Variants in ADAMTS13 observed in about 807,000 individuals in gnomAD.
The protein encoded by ADAMTS13 is ADAM metallopeptidase with thrombospondin type 1 motif 13.
ADAMTS13 carries 110 observed loss-of-function variants against 155.1 expected under a neutral mutation model. That is an observed-to-expected ratio of 0.71 (90% CI 0.61 to 0.83). The LOEUF (loss-of-function observed/expected upper bound fraction) is 0.83. ADAMTS13 is among the 40% of genes least tolerant of loss of function. The probability of loss-of-function intolerance (pLI) is 0.00; values close to 1 mark genes in which losing one functional copy is unlikely to be tolerated. For synonymous variants in ADAMTS13, 758 were observed against 756.4 expected (o/e 1.00, Z -0.03); for missense variants, 1,707 against 1,891.7 (o/e 0.90, Z 1.81).
In ADAMTS13 at chr9:133,428,264, C is replaced by T. The variant is rs368977447; in HGVS notation, c.687-370C>T. On this transcript the variant is annotated intron_variant, in intron 6 of 28. Transcript: ENST00000355699. ...AGGTGAATTTCACGCTCAACACATC[C>T]ATGTAAACAGTCCCCAGAGCAGCCC... Among the ~76,000 whole-genome samples the T allele has an allele frequency of 1.4e-3, 206 of 152,378 alleles. 5 individuals are homozygous for T. The South Asian group carries it at 0.041, about 31-fold the overall frequency.
chr9:133,423,279 C>A, intron 2 of ADAMTS13, 112 bp downstream of exon 2: 1 of 1,016,106 alleles, frequency 9.8e-7, no homozygotes, highest in Non-Finnish European at 1.5e-6. Flanking sequence ...AGGAGAAGGT[C>A]AGAGAAGCTG....
At position 133,422,554 on chromosome 9, in the gene ADAMTS13, CT is replaced by C. The variant is rs782764658; in HGVS notation, c.105+7del. Reference sequence around the variant, plus strand: ...GACCCTCCCATTTCCAGCAGGTGGGCTCATTTGCAGGAGCGGGGGTATTCTG... The same window carrying C: ...GACCCTCCCATTTCCAGCAGGTGGGCCATTTGCAGGAGCGGGGGTATTCTG... On this transcript the variant is annotated splice_region_variant and intron_variant, in intron 1 of 28. Coordinates refer to ENST00000355699, the MANE Select transcript of ADAMTS13 (RefSeq NM_139027.6). 6.2e-7 allele frequency: 1 copy of C among 1,613,972 alleles called. No individual in the cohort carries two copies. The highest frequency in any genetic ancestry group is 1.7e-5 in the Admixed American group (1 of 60,020).
chr9:133,426,508 A>G (rs962704971), intron 6 of ADAMTS13, among the ~76,000 whole-genome samples, 163 bp downstream of exon 6: 13 of 152,330 alleles, frequency 8.5e-5, no homozygotes, highest in South Asian at 4.1e-4. Flanking sequence ...GGAACCTGAT[A>G]CTGTTTGATT....
chr9:133,443,436 G>A lies in ADAMTS13; in HGVS notation c.2295G>A (p.Arg765=). The stretch of plus-strand genomic sequence containing the variant: ...CCTGTGGGGGTGGCCTGCGGGAGCG[G>A]CCAGTGCGCTGCGTGGAGGCCCAGG... ...SASCGGGLRE[R]PVRCVEAQGS... Residue 765 remains arginine (R), a synonymous_variant, in exon 19 of 29, where the codon CGG becomes CGA. Transcript: ENST00000355699. The A allele has an allele frequency of 6.3e-7, 1 of 1,595,432 alleles. No individual in the cohort carries two copies.
chr9:133,432,503 T>C, intron 8 of ADAMTS13, 85 bp from the exon 9 acceptor site: 1 of 1,201,528 alleles, frequency 8.3e-7, no homozygotes, highest in Non-Finnish European at 1.2e-6. Flanking sequence ...TGTCCTGCAG[T>C]CTGGGAGGGA....
chr9:133,425,624 G>A lies in ADAMTS13; in HGVS notation c.414+12G>A. 6.2e-7 allele frequency: 1 copy of A among 1,612,662 alleles called. No individual in the cohort carries two copies. ...TGACAGAGCCTGAGGTAGGCATGGA[G>A]CTGGAACTCAGCACACCATACAGAG... On this transcript the variant is annotated intron_variant, in intron 4 of 28. Transcript: ENST00000355699. The surrounding 1 kb of genome is among the most constrained non-coding windows in gnomAD (Gnocchi z 4.6).
chr9:133,449,871 G>T lies in ADAMTS13; in HGVS notation c.2950G>T (p.Asp984Tyr), dbSNP rs1263878998. Residue 984 changes from aspartate to tyrosine, a missense_variant, in exon 23 of 29, where the codon GAC becomes TAC. Transcript: ENST00000355699. ...GTATTGTGCCCGGGCCCATGGGGAG[G>T]ACGATGGTGAGGAGATCCTGTTGGA... is the stretch of plus-strand genomic sequence containing the variant. ...ILYCARAHGE[D>Y]DGEEILLDTQ... is the part of the protein sequence containing the mutation. 6.2e-7 allele frequency: 1 copy of T among 1,613,940 alleles called. No individual in the cohort carries two copies. Among genetic ancestry groups the T allele is most frequent in the Non-Finnish European group, 8.5e-7 (1 of 1,180,026 alleles).
At position 133,456,376 on chromosome 9, in the gene ADAMTS13, G is replaced by A. The variant is rs1288019916; in HGVS notation, c.3547+161G>A. ...GAGTGATGATCTGCATTTTACAGAT[G>A]AGGAAACTGAGGCTAGGAGAGATTA... On this transcript the variant is annotated intron_variant, in intron 26 of 28. Coordinates refer to ENST00000355699, the MANE Select transcript of ADAMTS13 (RefSeq NM_139027.6). This position sits in a 1 kb window ranked among gnomAD's most constrained non-coding sequence, Gnocchi z 4.4. Among the ~76,000 whole-genome samples the A allele has an allele frequency of 3.9e-5, 6 of 152,222 alleles. No individual in the cohort carries two copies. Among genetic ancestry groups the A allele is most frequent in the Non-Finnish European group, 8.8e-5 (6 of 68,036 alleles).
chr9:133,458,004 T>C lies in ADAMTS13; in HGVS notation c.3819T>C (p.Ile1273=). The change falls in exon 28 of 29, where the codon ATT becomes ATC. Residue 1273 remains isoleucine, a synonymous_variant. Transcript: ENST00000355699. ...TSNAGGCRLF[I]NVAPHARIAI... ...ATGCAGGGGGCTGCCGGCTCTTCAT[T>C]AATGTGGCTCCGCACGCACGGATTG... 2 of 1,613,618 alleles carry C rather than the reference T, an allele frequency of 1.2e-6. No individual in the cohort carries two copies. The highest frequency in any genetic ancestry group is 1.3e-5 in the African/African-American group (1 of 75,056).
At chr9:133,455,495 CCTG>C in intron 25 of ADAMTS13, 60 bp downstream of exon 25, 1 of 1,612,188 alleles carries the variant, frequency 6.2e-7, no homozygotes. Context: ...CACAGCCACC[CCTG>C]CTGGTGCCTC....
intron 22 of ADAMTS13, among the ~76,000 whole-genome samples, chr9:133,448,946 C>G (rs782704395): frequency 6.6e-5 from 10 of 152,220 alleles, no homozygotes; most frequent in Non-Finnish European, 1.3e-4. Context: ...GAGCCCTGCC[C>G]TGCCAGGTGG....
In ADAMTS13 at chr9:133,455,430, G is replaced by A; in HGVS notation, c.3395G>A (p.Gly1132Glu). ...VRGCWAGPCVGQGACGRQHLE... is the reference protein window; with the variant it reads ...VRGCWAGPCVEQGACGRQHLE... ...GGCTGCTGGGCTGGGCCCTGTGTGG[G>A]ACAGGGTACGCCCAGCCTGGTGCCC... Residue 1132 changes from glycine (G) to glutamate (E), a missense_variant, in exon 25 of 29, where the codon GGA becomes GAA. This residue lies in a region of ADAMTS13 where 961 missense variants were observed against 1,107.9 expected (regional missense o/e 0.87). Coordinates refer to ENST00000355699, the MANE Select transcript of ADAMTS13 (RefSeq NM_139027.6). 6.2e-7 allele frequency: 1 copy of A among 1,612,536 alleles called. No individual in the cohort carries two copies. The highest frequency in any genetic ancestry group is 8.5e-7 in the Non-Finnish European group (1 of 1,179,864).
chr9:133,415,042 T>C (rs1554781272), intron 1 of ADAMTS13: 1 of 1,547,784 alleles, frequency 6.5e-7, no homozygotes, highest in Non-Finnish European at 8.7e-7. Flanking sequence ...CATGCTGCAT[T>C]TGAATTTGGA....
At chr9:133,442,765 C>G (rs782148113) in intron 18 of ADAMTS13, 22 bp downstream of exon 18, 1 of 1,609,840 alleles carries the variant, frequency 6.2e-7, no homozygotes, top group Non-Finnish European at 8.5e-7. Flanking sequence ...GCTGTCTGCG[C>G]AGCTCCAAGG....
At chr9:133,453,888 C>T (rs1325625532) in intron 23 of ADAMTS13, among the ~76,000 whole-genome samples, 1 of 152,058 alleles carries the variant, frequency 6.6e-6, no homozygotes, top group Non-Finnish European at 1.5e-5. Context: ...GCTGCAGGGT[C>T]ATGGGGGAGC....
intron 7 of ADAMTS13, 109 bp downstream of exon 7, chr9:133,428,880 T>A (rs1160278704): frequency 9.1e-7 from 1 of 1,093,528 alleles, no homozygotes; most frequent in Admixed American, 5.0e-5. Flanking sequence ...CCCTCCTTCC[T>A]GTCCCACCCC....
chr9:133,432,768 C>T, intron 9 of ADAMTS13, 76 bp downstream of exon 9: 2 of 1,413,534 alleles, frequency 1.4e-6, no homozygotes, highest in Non-Finnish European at 1.9e-6. Context: ...CGCCCTATTC[C>T]TAGGTCAGGA....
chr9:133,445,935 A>G lies in ADAMTS13; in HGVS notation c.2731+116A>G, dbSNP rs1842038491. Reference sequence around the variant, plus strand: ...GTGGATTGCAGAAAATCCAGACTATATGGGAACACGTGGTAATACACAAGG... The same window carrying G: ...GTGGATTGCAGAAAATCCAGACTATGTGGGAACACGTGGTAATACACAAGG... On this transcript the variant is annotated intron_variant, in intron 21 of 28. Transcript: ENST00000355699. The surrounding 1 kb of genome is among the most constrained non-coding windows in gnomAD (Gnocchi z 5.0). 2.1e-6 allele frequency: 3 copies of G among 1,400,498 alleles called. No homozygotes were observed. Among genetic ancestry groups the G allele is most frequent in the Non-Finnish European group, 2.8e-6 (3 of 1,053,100 alleles). The allele number at this position is 1,400,498 out of a possible 1,614,324, so 86.8% of individuals were successfully genotyped here. A position where few individuals can be genotyped will look rare whatever the true frequency, so the allele number is the denominator to read the frequency against.
Position 133,448,717 on chromosome 9 carries a change from G to A in ADAMTS13, c.2850G>A (p.Pro950=), listed in dbSNP as rs375151860. The A allele has an allele frequency of 2.9e-5, 47 of 1,601,596 alleles. No individual in the cohort carries two copies. The highest frequency in any genetic ancestry group is 3.7e-5 in the Non-Finnish European group (44 of 1,179,810). Residue 950 remains proline (P), a synonymous_variant, in exon 22 of 29, where the codon CCG becomes CCA. Transcript: ENST00000355699. ...GGCGGGAGGTCTGCCAGGCTGTCCC[G>A]TGCCCTGCTCGGTGAGTGAGGGGAG... ...GSRREVCQAV[P]CPARWQYKLA... is the part of the protein sequence containing the mutation.
Sources: allele counts gnomAD v4.1 joint callset (sites outside exome capture counted in the v4.1 genomes callset), GRCh38; gene constraint gnomAD v4.1.1; regional missense constraint gnomAD v4.1.1; non-coding constraint Gnocchi (gnomAD v3.1); transcripts MANE v1.5; gene names NCBI Gene and HGNC (gene_info 2026-07-23, HGNC 2026-07-21).